The following ROCK2 variants were observed in gnomAD, a reference collection of about 807,000 sequenced individuals.
The protein encoded by ROCK2 is rho-associated protein kinase 2.
In ROCK2, 61 loss-of-function variants were observed where a neutral mutation model predicts 195.1. The observed-to-expected ratio is 0.31, with a 90% CI of 0.25 to 0.39. The LOEUF is 0.39. ROCK2 is among the 10% of genes least tolerant of loss of function. ROCK2 has a pLI of 1.00. For synonymous variants in ROCK2, 504 were observed against 545.5 expected (o/e 0.92, Z 1.06); for missense variants, 1,109 against 1,637.4 (o/e 0.68, Z 5.57).
chr2:11,195,041 A>G lies in ROCK2; in HGVS notation c.3449-16T>C, dbSNP rs748497080. On this transcript the variant is annotated splice_polypyrimidine_tract_variant and intron_variant, in intron 27 of 32. Transcript: ENST00000315872. ...AATCTTGATTCTACAAATAAGCACA[A>G]CATGTGAGGCTAAAGATAACAATTC... The G allele has an allele frequency of 4.1e-6, 6 of 1,470,068 alleles. No individual in the cohort carries two copies. In the East Asian group the frequency reaches 9.3e-5, roughly 23 times the overall value. 91.1% of individuals were successfully genotyped at this position (1,470,068 alleles called of 1,614,324 possible).
At chr2:11,221,129 C>CA in intron 9 of ROCK2, 69 bp downstream of exon 9, 1 of 1,217,512 alleles carries the variant, frequency 8.2e-7, no homozygotes, top group Non-Finnish European at 1.1e-6. Flanking sequence ...AATTGAGTCT[C>CA]AAAATAACAC....
chr2:11,239,295 A>G (rs781481232), intron 4 of ROCK2, among the ~76,000 whole-genome samples: 6 of 152,186 alleles, frequency 3.9e-5, no homozygotes, highest in Non-Finnish European at 7.3e-5. Flanking sequence ...GTTGGGAGGA[A>G]ATATTTACAA....
chr2:11,281,705 A>G (rs1382076031), intron 3 of ROCK2, among the ~76,000 whole-genome samples: 1 of 152,226 alleles, frequency 6.6e-6, no homozygotes, highest in East Asian at 1.9e-4. Flanking sequence ...ATTCCTGTAT[A>G]TGAGCAATGA....
chr2:11,305,678 T>TCC (rs1195807672), intron 1 of ROCK2, among the ~76,000 whole-genome samples: 1 of 152,166 alleles, frequency 6.6e-6, no homozygotes, highest in Non-Finnish European at 1.5e-5. Context: ...GCTTGTAGCA[T>TCC]CTTGTGCCAA....
chr2:11,334,593 A>G (rs1477604465), intron 1 of ROCK2, among the ~76,000 whole-genome samples: 2 of 152,094 alleles, frequency 1.3e-5, no homozygotes, highest in Admixed American at 1.3e-4. Flanking sequence ...TCGTACTAAA[A>G]GAGCTCATAT....
At chr2:11,233,777 A>G (rs1665106471) in intron 5 of ROCK2, among the ~76,000 whole-genome samples, 1 of 151,782 alleles carries the variant, frequency 6.6e-6, no homozygotes, top group Non-Finnish European at 1.5e-5. Context: ...CATATAGTAC[A>G]CTATACTAAT....
intron 3 of ROCK2, among the ~76,000 whole-genome samples, chr2:11,283,486 G>A (rs1353931649): frequency 4.7e-5 from 7 of 147,718 alleles, no homozygotes; most frequent in East Asian, 2.0e-4. Context: ...GCGTGAACCC[G>A]GGAAGCGGAG....
intron 1 of ROCK2, among the ~76,000 whole-genome samples, chr2:11,290,545 G>A (rs1046455903): frequency 1.3e-5 from 2 of 152,104 alleles, no homozygotes; most frequent in Admixed American, 1.3e-4. Flanking sequence ...AAAACGATCT[G>A]CCTGTTTCCA....
intron 2 of ROCK2, 82 bp from the exon 3 acceptor site, chr2:11,286,721 T>C: frequency 1.1e-6 from 1 of 887,350 alleles, no homozygotes; most frequent in Admixed American, 2.8e-5. Flanking sequence ...TATATTTTTG[T>C]TTCAAGAAAA....
intron 12 of ROCK2, among the ~76,000 whole-genome samples, chr2:11,216,514 C>CT (rs78853931): frequency 2.4e-3 from 328 of 139,370 alleles, no homozygotes; most frequent in African/African-American, 6.2e-3. Flanking sequence ...TTTCTTTTTT[C>CT]TTTTTTTTTT....
rs372572286 is a variant in ROCK2 at position 11,214,985 on chromosome 2, A to C, written c.1791T>G (p.Ser597=). The C allele has an allele frequency of 3.2e-5, 51 of 1,613,566 alleles. No homozygotes were observed. The highest frequency in any genetic ancestry group is 4.2e-5 in the Non-Finnish European group (50 of 1,179,896). The change falls in exon 16 of 33, where the codon TCT becomes TCG. Residue 597 remains serine (S), a synonymous_variant. Coordinates refer to ENST00000315872, the MANE Select transcript of ROCK2 (RefSeq NM_004850.5). ...TTTTATCTTGTAGATCTCTATTGTT[A>C]GATTCCAGCTGCTGAATCTGTTTTG... ...ESSKQIQQLE[S]NNRDLQDKNC...
intron 3 of ROCK2, among the ~76,000 whole-genome samples, chr2:11,269,435 C>T (rs961264294): frequency 4.0e-5 from 6 of 151,342 alleles, no homozygotes; most frequent in Admixed American, 6.6e-5. Flanking sequence ...TCTCTTGAAC[C>T]GGGAGGTGGA....
intron 3 of ROCK2, among the ~76,000 whole-genome samples, chr2:11,266,952 A>G (rs1666438029): frequency 6.6e-6 from 1 of 152,226 alleles, no homozygotes; most frequent in African/African-American, 2.4e-5. Flanking sequence ...AATTAATGAT[A>G]AAAACAAAAA....
intron 5 of ROCK2, chr2:11,234,577 T>C (rs1319840052): frequency 2.6e-5 from 4 of 152,118 alleles, no homozygotes; most frequent in Non-Finnish European, 5.9e-5. Flanking sequence ...TGATTAAGGG[T>C]TGCAGAATAT....
Position 11,201,157 on chromosome 2 carries a change from A to G in ROCK2, c.2724-14T>C. On this transcript the variant is annotated splice_polypyrimidine_tract_variant and intron_variant, in intron 22 of 32. Transcript: ENST00000315872. This position sits in a 1 kb window ranked among gnomAD's most constrained non-coding sequence, Gnocchi z 4.6. ...GCCAAAGAGTCCCTACATTTTAGCA[A>G]TATATCATTTTAATGGTTCAGTTTT... 1 of 1,588,358 alleles carries G rather than the reference A, an allele frequency of 6.3e-7. No homozygotes were observed. Among genetic ancestry groups the G allele is most frequent in the Non-Finnish European group, 8.5e-7 (1 of 1,169,604 alleles).
Position 11,201,180 on chromosome 2 carries a change from T to A in ROCK2, c.2724-37A>T. 6.4e-7 allele frequency: 1 copy of A among 1,571,836 alleles called. No individual in the cohort carries two copies. On this transcript the variant is annotated intron_variant, in intron 22 of 32. Transcript: ENST00000315872. The surrounding 1 kb of genome is among the most constrained non-coding windows in gnomAD (Gnocchi z 4.6). Reference sequence around the variant, plus strand: ...CAATATATCATTTTAATGGTTCAGTTTTCACTATGAAGTGAAAGTTTTTGT... The same window carrying A: ...CAATATATCATTTTAATGGTTCAGTATTCACTATGAAGTGAAAGTTTTTGT...
chr2:11,236,885 T>A (rs190969483), intron 4 of ROCK2, among the ~76,000 whole-genome samples: 3 of 152,278 alleles, frequency 2.0e-5, no homozygotes, highest in Non-Finnish European at 1.5e-5. Context: ...GCGTGGTGGC[T>A]CACACCTGTA....
chr2:11,338,585 C>T (rs1231386563), intron 1 of ROCK2, among the ~76,000 whole-genome samples: 4 of 152,126 alleles, frequency 2.6e-5, no homozygotes, highest in Non-Finnish European at 5.9e-5. Flanking sequence ...TGTGCGTCGT[C>T]GGATTTTGGT....
intron 4 of ROCK2, among the ~76,000 whole-genome samples, chr2:11,246,818 T>C (rs1216433188): frequency 6.6e-6 from 1 of 152,182 alleles, no homozygotes; most frequent in Non-Finnish European, 1.5e-5. Context: ...AAATTAATTA[T>C]AGGCATATCC....
Sources: gnomAD v4.1 joint callset for allele counts (sites outside exome capture counted in the v4.1 genomes callset) on GRCh38, gnomAD v4.1.1 for gene constraint, Gnocchi (gnomAD v3.1) non-coding constraint, MANE v1.5 for transcripts, NCBI Gene and HGNC (gene_info 2026-07-23, HGNC 2026-07-21) for gene names.